Variants in WDR41 observed in about 807,000 individuals in gnomAD.
WDR41 encodes the protein WD repeat domain 41.
In WDR41, 63 loss-of-function variants were observed where a neutral mutation model predicts 69.3. That is an observed-to-expected ratio of 0.91 (90% CI 0.74 to 1.12). The LOEUF (loss-of-function observed/expected upper bound fraction) is 1.12. Among genes scored for constraint, WDR41 ranks in the 50% most tolerant of loss-of-function variants. The pLI, the probability that WDR41 is intolerant of heterozygous loss-of-function variation, is 0.00. For missense variants in WDR41, 543 were observed against 534.5 expected, an observed-to-expected ratio of 1.02 and a Z score of -0.16; for synonymous variants, 185 against 192.1, an observed-to-expected ratio of 0.96 and a Z score of 0.31.
rs1372063948 is a variant in WDR41 at position 77,570,419 on chromosome 5, T to C, written c.42+50060A>G. On this transcript the variant is annotated intron_variant, in intron 1 of 5. Coordinates refer to the WDR41 transcript ENST00000509971. ...GGAGTTAGGAACAGTTGCTTACAAA[T>C]GAAACTAGGGTACATTATTTGGAAA... 2.0e-5 allele frequency among the ~76,000 whole-genome samples: 3 copies of C among 150,608 alleles called. No homozygotes were observed. In the South Asian group the frequency reaches 6.4e-4, roughly 32 times the overall value.
At chr5:77,471,642 A>C (rs557453951) in intron 2 of WDR41, among the ~76,000 whole-genome samples, 3 of 152,082 alleles carry the variant, frequency 2.0e-5, no homozygotes, top group Non-Finnish European at 2.9e-5. Flanking sequence ...GAGAATACTA[A>C]AAACACCTCT....
chr5:77,538,632 A>G (rs1743031877), intron 1 of WDR41, among the ~76,000 whole-genome samples: 1 of 152,168 alleles, frequency 6.6e-6, no homozygotes. Context: ...AAAGGACATG[A>G]TTTTGTTCTT....
intron 1 of WDR41, among the ~76,000 whole-genome samples, chr5:77,538,271 A>G (rs1333891329): frequency 6.6e-6 from 1 of 152,172 alleles, no homozygotes; most frequent in Non-Finnish European, 1.5e-5. Context: ...TGCAAAAGAC[A>G]TGATTTCTTT....
At chr5:77,474,935 G>A (rs1800832868) in intron 2 of WDR41, among the ~76,000 whole-genome samples, 1 of 152,206 alleles carries the variant, frequency 6.6e-6, no homozygotes, top group South Asian at 2.1e-4. Flanking sequence ...GTGCCAGACA[G>A]TGGGCGCAGG....
In WDR41 at chr5:77,436,360, G is replaced by C; in HGVS notation, c.1128C>G (p.Ser376Arg). The C allele has an allele frequency of 6.2e-7, 1 of 1,614,024 alleles. No homozygotes were observed. The highest frequency in any genetic ancestry group is 8.5e-7 in the Non-Finnish European group (1 of 1,179,958). Residue 376 changes from serine (S) to arginine (R), a missense_variant, in exon 12 of 13, where the codon AGC (serine) becomes AGG (arginine). By Grantham distance (110) the Ser-to-Arg change is moderately radical. Transcript: ENST00000296679. ...FFNMWGFGRV[S>R]KQASQPVKKQ... ...TTTTAACAGGTTGGCTGGCTTGTTT[G>C]CTGACTCTTCCAAATCCCCACATGT...
At chr5:77,573,948 C>T (rs1182541766) in intron 1 of WDR41, among the ~76,000 whole-genome samples, 1 of 152,106 alleles carries the variant, frequency 6.6e-6, no homozygotes, top group Non-Finnish European at 1.5e-5. Context: ...TTGCTTCCTC[C>T]CCACTTTTCC....
chr5:77,523,585 T>C lies in WDR41; in HGVS notation c.43-34013A>G, dbSNP rs368366339. ...TGCCTCACACTGATCAGTGCTTAATTTTTTTTTTTCAAGTAAGCTGAGTTA... is the reference window on the plus strand; with the variant it reads ...TGCCTCACACTGATCAGTGCTTAATCTTTTTTTTTCAAGTAAGCTGAGTTA... On this transcript the variant is annotated intron_variant, in intron 1 of 5. Transcript: ENST00000509971. Among the ~76,000 whole-genome samples, 9 of 150,840 alleles carry C rather than the reference T, an allele frequency of 6.0e-5. No individual in the cohort carries two copies. The East Asian group carries it at 1.4e-3, about 23-fold the overall frequency.
chr5:77,504,341 G>T (rs547193674), intron 1 of WDR41, among the ~76,000 whole-genome samples: 106 of 152,246 alleles, frequency 7.0e-4, no homozygotes, highest in Admixed American at 3.1e-3. Flanking sequence ...TTGAATTTCT[G>T]AATAGAACAA....
chr5:77,560,098 A>G (rs1743493544), intron 1 of WDR41, among the ~76,000 whole-genome samples: 1 of 152,204 alleles, frequency 6.6e-6, no homozygotes, highest in South Asian at 2.1e-4. Flanking sequence ...GGCTTGCTCA[A>G]ATTGCTTTAA....
In WDR41 at chr5:77,463,210, A is replaced by G; in HGVS notation, c.233T>C (p.Leu78Ser). The change falls in exon 4 of 13, where the codon TTA becomes TCA. Residue 78 changes from leucine (L) to serine (S), a missense_variant. Physicochemically the swap from Leu to Ser is moderately radical, Grantham distance 145. Coordinates refer to ENST00000296679, the MANE Select transcript of WDR41 (RefSeq NM_018268.4). ...VWNAQTGEKL[L>S]ELNGHTQKIT... is the part of the protein sequence containing the mutation. ...CTTTTGAGTGTGTCCATTCAGTTCT[A>G]AAAGTTTTTCCCCTGTCTGAAATAC... The G allele has an allele frequency of 6.2e-7, 1 of 1,608,160 alleles. No individual in the cohort carries two copies. Among genetic ancestry groups the G allele is most frequent in the African/African-American group, 1.3e-5 (1 of 74,726 alleles).
At chr5:77,504,575 A>G (rs1802076536) in intron 1 of WDR41, among the ~76,000 whole-genome samples, 1 of 152,230 alleles carries the variant, frequency 6.6e-6, no homozygotes, top group Non-Finnish European at 1.5e-5. Flanking sequence ...CAACAAAAAA[A>G]GAGAATTTTA....
Position 77,433,026 on chromosome 5 carries a change from C to A in WDR41, c.*109G>T. 2 of 1,287,738 alleles carry A rather than the reference C, an allele frequency of 1.6e-6. No homozygotes were observed. The highest frequency in any genetic ancestry group is 2.1e-6 in the Non-Finnish European group (2 of 959,236). 79.8% of individuals were successfully genotyped at this position (1,287,738 alleles called of 1,614,324 possible). A position where few individuals can be genotyped will look rare whatever the true frequency, so the allele number is the denominator to read the frequency against. On this transcript the variant is annotated 3_prime_UTR_variant, in exon 13 of 13. Coordinates refer to ENST00000296679, the MANE Select transcript of WDR41 (RefSeq NM_018268.4). Reference sequence around the variant, plus strand: ...ATTTAAACATGTAGAATTTTATGGACTGACAAAAAAAATTACCAATTTAAG... The same window carrying A: ...ATTTAAACATGTAGAATTTTATGGAATGACAAAAAAAATTACCAATTTAAG...
Position 77,432,880 on chromosome 5 carries a change from A to G in WDR41, c.*255T>C, listed in dbSNP as rs932186838. The G allele has an allele frequency of 6.5e-5, 23 of 353,308 alleles. No homozygotes were observed. Among genetic ancestry groups the G allele is most frequent in the African/African-American group, 3.6e-4 (17 of 47,580 alleles). The allele number at this position is 353,308 out of a possible 1,614,324, so 21.9% of individuals were successfully genotyped here. A position where few individuals can be genotyped will look rare whatever the true frequency, so the allele number is the denominator to read the frequency against. On this transcript the variant is annotated 3_prime_UTR_variant, in exon 13 of 13. Transcript: ENST00000296679. ...GATCTAGGTTCAAAATAAGCTCAAA[A>G]CACAGCACTCACCACTTCAACAGCA...
intron 10 of WDR41, 119 bp from the exon 11 acceptor site, chr5:77,437,543 C>A (rs550489050): frequency 1.2e-5 from 11 of 883,670 alleles, no homozygotes; most frequent in Non-Finnish European, 2.0e-5. Context: ...TTAGCAGGAA[C>A]TGACAAAAAT....
chr5:77,542,493 ATGTGATAGAC>A, intron 1 of WDR41, among the ~76,000 whole-genome samples: 1 of 152,234 alleles, frequency 6.6e-6, no homozygotes, highest in Admixed American at 6.5e-5. Flanking sequence ...AAATGTAGAT[ATGTGATAGAC>A]TGAAAACAAA....
intron 8 of WDR41, among the ~76,000 whole-genome samples, chr5:77,443,855 C>T (rs184513961): frequency 9.5e-5 from 14 of 147,804 alleles, no homozygotes; most frequent in South Asian, 4.3e-4. Flanking sequence ...AAATAAAATA[C>T]GGCATTCAGC....
intron 1 of WDR41, among the ~76,000 whole-genome samples, chr5:77,615,709 G>C (rs538836277): frequency 9.8e-6 from 1 of 102,118 alleles, no homozygotes; most frequent in East Asian, 5.2e-4. Flanking sequence ...AAAAAAAAAG[G>C]CCAGGTGTGA....
intron 2 of WDR41, among the ~76,000 whole-genome samples, chr5:77,472,754 C>T (rs1349321015): frequency 1.3e-5 from 2 of 152,000 alleles, no homozygotes; most frequent in Middle Eastern, 3.4e-3. Context: ...CAAACCACTG[C>T]TCAATGAAAT....
chr5:77,599,121 G>GT (rs35077936), intron 1 of WDR41, among the ~76,000 whole-genome samples: 9,810 of 134,508 alleles, frequency 0.073, 470 homozygotes, highest in African/African-American at 0.15. Flanking sequence ...TAAAACATAC[G>GT]TTTTTTTTTT....
Sources: gnomAD v4.1 joint callset for allele counts (sites outside exome capture counted in the v4.1 genomes callset) on GRCh38, gnomAD v4.1.1 for gene constraint, MANE v1.5 for transcripts, NCBI Gene and HGNC (gene_info 2026-07-23, HGNC 2026-07-21) for gene names.